CUL2: variants seen among roughly 807,000 people sequenced by gnomAD.
The protein encoded by CUL2 is cullin-2.
A neutral mutation model predicts 110.2 loss-of-function variants in CUL2; 22 were observed. The observed-to-expected ratio is 0.20, with a 90% CI of 0.14 to 0.28. CUL2 has a LOEUF of 0.28. CUL2 is among the 10% of genes least tolerant of loss of function. CUL2 has a pLI of 1.00. For missense variants in CUL2, 631 were observed against 905.5 expected (o/e 0.70, Z 3.89); for synonymous variants, 279 against 293.2 (o/e 0.95, Z 0.49).
At chr10:35,107,826 G>A (rs2087479552) in intron 1 of CUL2, among the ~76,000 whole-genome samples, 1 of 140,628 alleles carries the variant, frequency 7.1e-6, no homozygotes, top group Non-Finnish European at 1.5e-5. Flanking sequence ...AGCTTGCAGT[G>A]AGCCTAGATC....
In CUL2 at chr10:35,031,542, C is replaced by T. The variant is rs1319034848; in HGVS notation, c.1248G>A (p.Thr416=). 8 of 1,614,148 alleles carry T rather than the reference C, an allele frequency of 5.0e-6. No homozygotes were observed. Among genetic ancestry groups the T allele is most frequent in the Non-Finnish European group, 2.5e-6 (3 of 1,179,998 alleles). Residue 416 remains threonine, a synonymous_variant, in exon 13 of 21, where the codon ACG becomes ACA. Coordinates refer to ENST00000374749, the MANE Select transcript of CUL2 (RefSeq NM_003591.4). The surrounding 1 kb of genome is among the most constrained non-coding windows in gnomAD (Gnocchi z 4.4). The part of the protein sequence containing the change: ...MTENEVEDRL[T]SFITVFKYID... ...TGTATTTGAACACTGTGATGAAGCT[C>T]GTGAGCCTGTCTTCCACTTCATTCT... is the stretch of plus-strand genomic sequence containing the variant.
In CUL2 at chr10:35,121,486, ATTC is replaced by A. The variant is rs543964227; in HGVS notation, c.-51+5116_-51+5118del. 1.9e-4 allele frequency among the ~76,000 whole-genome samples: 29 copies of A among 152,318 alleles called. 1 individual carries two copies. The South Asian group carries it at 5.6e-3, about 29-fold the overall frequency. On this transcript the variant is annotated intron_variant, in intron 1 of 5. Transcript: ENST00000685421. ...AAACCTTTATGTTATTAGCTAATGT[ATTC>A]TTCTTCACAAACACTTTATGCAGTA...
chr10:35,094,342 T>C (rs930159213), upstream of CUL2, among the ~76,000 whole-genome samples: 4 of 152,058 alleles, frequency 2.6e-5, no homozygotes, highest in South Asian at 8.3e-4. Context: ...TTCAAGCTAT[T>C]CTCCTGCCTC....
rs373408054 is a variant in CUL2 at position 35,010,342 on chromosome 10, G to A, written c.2207C>T (p.Ala736Val). The A allele has an allele frequency of 3.0e-5, 48 of 1,610,986 alleles. No homozygotes were observed. Among genetic ancestry groups the A allele is most frequent in the Non-Finnish European group, 3.6e-5 (43 of 1,178,638 alleles). Residue 736 changes from alanine (A) to valine (V), a missense_variant, in exon 21 of 21, where the codon GCG becomes GTG. By Grantham distance (64) the Ala-to-Val change is moderately conservative. This residue lies in a region of CUL2 where 159 missense variants were observed against 202.7 expected (regional missense o/e 0.78). Transcript: ENST00000374749. The stretch of plus-strand genomic sequence containing the variant: ...GACGTAGCTGTATTCATCTGCCGAC[G>A]CCTGGCTGCGTTCTATGTATTGTTT... The part of the protein sequence containing the change: ...IDKQYIERSQ[A>V]SADEYSYVA
chr10:35,048,685 C>T (rs568148491), intron 6 of CUL2, among the ~76,000 whole-genome samples: 2 of 152,290 alleles, frequency 1.3e-5, no homozygotes, highest in South Asian at 4.1e-4. Context: ...ATTGCCTTTC[C>T]TCTCCAGCTC....
intron 8 of CUL2, among the ~76,000 whole-genome samples, chr10:35,041,725 T>C (rs1490580779): frequency 6.6e-6 from 1 of 152,042 alleles, no homozygotes. Context: ...TTTGTAGAGA[T>C]GGGGTTTTGC....
intron 6 of CUL2, among the ~76,000 whole-genome samples, chr10:35,047,060 A>G (rs1315022174): frequency 2.0e-5 from 3 of 152,232 alleles, no homozygotes; most frequent in African/African-American, 7.2e-5. Context: ...TCCAGGTAAT[A>G]AAGAAGAACA....
At chr10:35,085,876 A>G (rs2087052619) in intron 1 of CUL2, among the ~76,000 whole-genome samples, 1 of 152,188 alleles carries the variant, frequency 6.6e-6, no homozygotes, top group Non-Finnish European at 1.5e-5. Flanking sequence ...GAGGAAGGGC[A>G]TAAGGGTTGA....
intron 8 of CUL2, among the ~76,000 whole-genome samples, chr10:35,040,381 C>T (rs796482429): frequency 7.9e-5 from 12 of 152,222 alleles, no homozygotes; most frequent in Admixed American, 1.3e-4. Flanking sequence ...ACAAATGCAC[C>T]GGCTTGGAAA....
chr10:35,086,614 C>G (rs1220155983), intron 1 of CUL2, among the ~76,000 whole-genome samples: 1 of 151,776 alleles, frequency 6.6e-6, no homozygotes, highest in Non-Finnish European at 1.5e-5. Flanking sequence ...CAACTCCACA[C>G]CTGTAGGTCA....
At chr10:35,119,645 T>A in intron 1 of CUL2, among the ~76,000 whole-genome samples, 1 of 151,904 alleles carries the variant, frequency 6.6e-6, no homozygotes, top group Non-Finnish European at 1.5e-5. Flanking sequence ...CAGGTTACAG[T>A]CCAGTGGTGC....
At chr10:35,052,980 AC>A (rs1325070597) in intron 5 of CUL2, among the ~76,000 whole-genome samples, 27 of 152,206 alleles carry the variant, frequency 1.8e-4, no homozygotes, top group African/African-American at 5.8e-4. Context: ...TTCACAAAAA[AC>A]AAACTTATGT....
intron 1 of CUL2, among the ~76,000 whole-genome samples, chr10:35,114,875 C>T (rs2087573373): frequency 6.6e-6 from 1 of 152,020 alleles, no homozygotes; most frequent in Non-Finnish European, 1.5e-5. Flanking sequence ...CAGAAGAAAA[C>T]ATCAATGAAT....
chr10:35,090,727 C>G (rs2087190557), upstream of CUL2: 1 of 152,348 alleles, frequency 6.6e-6, no homozygotes, highest in Non-Finnish European at 1.5e-5. Context: ...CCAAGTGATT[C>G]CTTGCTGGGC....
intron 1 of CUL2, among the ~76,000 whole-genome samples, chr10:35,071,554 G>A (rs4934712): frequency 0.15 from 23,078 of 152,064 alleles, 1,969 homozygotes; most frequent in East Asian, 0.24. Context: ...ACAGGCACCC[G>A]CCACCATGCC....
At chr10:35,101,941 G>A (rs1236493592) in intron 1 of CUL2, among the ~76,000 whole-genome samples, 1 of 152,188 alleles carries the variant, frequency 6.6e-6, no homozygotes, top group Non-Finnish European at 1.5e-5. Context: ...TTTAGTGTCT[G>A]CACTTGACTA....
At chr10:35,021,134 A>C (rs1237850732) in intron 17 of CUL2, among the ~76,000 whole-genome samples, 1 of 151,938 alleles carries the variant, frequency 6.6e-6, no homozygotes, top group Non-Finnish European at 1.5e-5. Context: ...CTTCAACAGA[A>C]GACTTTGTAG....
rs1287747700 is a variant in CUL2, at chr10:35,044,950, T to C, written c.507-82A>G. 4 of 927,080 alleles carry C rather than the reference T, an allele frequency of 4.3e-6. No homozygotes were observed. In the African/African-American group the frequency reaches 6.6e-5, roughly 15 times the overall value. 57.4% of individuals were successfully genotyped at this position (927,080 alleles called of 1,614,324 possible). ...TACCCAAAATATGCCAAAATATGGC[T>C]CCTTATTCTATTGGTCTAATCAAAG... On this transcript the variant is annotated intron_variant, in intron 6 of 20. Transcript: ENST00000374749.
chr10:35,082,334 T>C (rs1011963950), intron 1 of CUL2, among the ~76,000 whole-genome samples: 1 of 152,098 alleles, frequency 6.6e-6, no homozygotes, highest in African/African-American at 2.4e-5. Context: ...TAAACAAAAG[T>C]ATGTATGTGG....
Sources: gnomAD v4.1 joint callset for allele counts (sites outside exome capture counted in the v4.1 genomes callset) on GRCh38, gnomAD v4.1.1 for gene constraint, gnomAD v4.1.1 regional missense constraint, Gnocchi (gnomAD v3.1) non-coding constraint, MANE v1.5 for transcripts, NCBI Gene and HGNC (gene_info 2026-07-23, HGNC 2026-07-21) for gene names.